The following GRM8 variants were observed in gnomAD, a reference collection of about 807,000 sequenced individuals.
GRM8 encodes the protein metabotropic glutamate receptor 8.
In GRM8, 47 loss-of-function variants were observed where a neutral mutation model predicts 87.2. The ratio of observed to expected loss-of-function variants is 0.54; its 90% CI spans 0.43 to 0.69. The LOEUF (loss-of-function observed/expected upper bound fraction) is 0.69. Among genes scored for constraint, GRM8 ranks in the 30% least tolerant of loss-of-function variants. The pLI is 0.00. For missense variants in GRM8, 1,019 were observed against 1,139.2 expected (o/e 0.89, Z 1.52); for synonymous variants, 396 against 404.5 (o/e 0.98, Z 0.25).
chr7:127,040,701 T>C (rs1818351198), intron 3 of GRM8, among the ~76,000 whole-genome samples: 1 of 152,110 alleles, frequency 6.6e-6, no homozygotes, highest in Non-Finnish European at 1.5e-5. Context: ...CCCAGTTTAC[T>C]AACCCCGGAA....
rs548231122 is a variant in GRM8 at position 126,941,619 on chromosome 7, C to CAA, written c.728-36938_728-36937dup. On this transcript the variant is annotated intron_variant, in intron 3 of 10. Coordinates refer to ENST00000339582, the MANE Select transcript of GRM8 (RefSeq NM_000845.3). ...TGGGCAACAGAGCAAGACTCTGTCT[C>CAA]AAAAAAAAAAAAAAGAAAGAAAGAA... 5.0e-3 allele frequency among the ~76,000 whole-genome samples: 537 copies of CAA among 108,008 alleles called. 4 individuals carry two copies. The highest frequency in any genetic ancestry group is 0.017 in the African/African-American group (503 of 29,490). 70.9% of individuals were successfully genotyped at this position (108,008 alleles called of 152,430 possible).
chr7:126,696,493 T>G (rs1809390941), intron 7 of GRM8, among the ~76,000 whole-genome samples: 1 of 152,220 alleles, frequency 6.6e-6, no homozygotes, highest in African/African-American at 2.4e-5. Flanking sequence ...TTTGATTTTC[T>G]GTTCCTGTGT....
At chr7:126,626,723 A>G (rs1800735442) in intron 7 of GRM8, among the ~76,000 whole-genome samples, 1 of 152,162 alleles carries the variant, frequency 6.6e-6, no homozygotes, top group East Asian at 1.9e-4. Context: ...TCTCCATATA[A>G]AATGTAGAAC....
chr7:126,483,607 CTTG>C (rs1396438438), intron 9 of GRM8, among the ~76,000 whole-genome samples: 3 of 151,104 alleles, frequency 2.0e-5, no homozygotes, highest in Admixed American at 1.3e-4. Context: ...TATATATAAA[CTTG>C]TTATCTGTTA....
At chr7:126,635,999 T>C (rs1404092012) in intron 7 of GRM8, among the ~76,000 whole-genome samples, 2 of 152,148 alleles carry the variant, frequency 1.3e-5, no homozygotes, top group African/African-American at 4.8e-5. Flanking sequence ...ATTTCACATA[T>C]ATGTATTTTT....
chr7:126,646,250 A>C (rs1350814558), intron 7 of GRM8, among the ~76,000 whole-genome samples: 1 of 118,958 alleles, frequency 8.4e-6, no homozygotes, highest in African/African-American at 3.1e-5. Context: ...AAAGGAAGAG[A>C]GAAGGAGGGA....
intron 3 of GRM8, among the ~76,000 whole-genome samples, chr7:127,099,312 C>T (rs902756255): frequency 2.0e-5 from 3 of 152,116 alleles, no homozygotes; most frequent in Non-Finnish European, 2.9e-5. Flanking sequence ...ATTCCCTTCC[C>T]TCAGGCCAAA....
chr7:126,697,851 T>C (rs984584263), intron 7 of GRM8, among the ~76,000 whole-genome samples: 3 of 152,124 alleles, frequency 2.0e-5, no homozygotes, highest in African/African-American at 7.2e-5. Context: ...AACCTTCAGG[T>C]GGAAATTATA....
intron 3 of GRM8, among the ~76,000 whole-genome samples, chr7:127,062,584 A>T (rs1820719010): frequency 6.6e-6 from 1 of 152,150 alleles, no homozygotes; most frequent in Non-Finnish European, 1.5e-5. Flanking sequence ...ATACTGTAGG[A>T]ATGGTTGGTA....
intron 9 of GRM8, among the ~76,000 whole-genome samples, chr7:126,492,646 G>T (rs1808158132): frequency 6.6e-6 from 1 of 151,988 alleles, no homozygotes; most frequent in African/African-American, 2.4e-5. Context: ...TAACTAAATA[G>T]AATTGTTTTC....
chr7:126,784,551 T>C (rs1474055158), intron 6 of GRM8, among the ~76,000 whole-genome samples: 1 of 152,160 alleles, frequency 6.6e-6, no homozygotes, highest in African/African-American at 2.4e-5. Context: ...ACAGGTATGA[T>C]AAAGAGAACA....
chr7:126,500,121 T>G (rs1255524143), intron 9 of GRM8, among the ~76,000 whole-genome samples: 2 of 151,934 alleles, frequency 1.3e-5, no homozygotes, highest in African/African-American at 4.8e-5. Flanking sequence ...GTACAATACA[T>G]TCTTATTAAC....
intron 2 of GRM8, among the ~76,000 whole-genome samples, chr7:127,114,089 G>A (rs1396975971): frequency 6.6e-6 from 1 of 152,174 alleles, no homozygotes; most frequent in African/African-American, 2.4e-5. Context: ...TGAAGTAGTA[G>A]TATTCCTTCC....
Position 126,770,033 on chromosome 7 carries a change from C to T in GRM8, c.1189G>A (p.Glu397Lys), listed in dbSNP as rs754329027. ...ACAAATTGGACCTTTCCTTCCTGTT[C>T]ATAAGATGAATCCCGAGCAATTCGC... ...LERIARDSSYEQEGKVQFVID... is the reference protein window; with the variant it reads ...LERIARDSSYKQEGKVQFVID... The change falls in exon 7 of 11, where the codon GAA becomes AAA. Residue 397 changes from glutamate (E) to lysine (K), a missense_variant. Transcript: ENST00000339582. 6.2e-7 allele frequency: 1 copy of T among 1,612,616 alleles called. No individual in the cohort carries two copies. The highest frequency in any genetic ancestry group is 1.1e-5 in the South Asian group (1 of 91,004).
At position 127,176,502 on chromosome 7, in the gene GRM8, T is replaced by A. The variant is rs150107068; in HGVS notation, c.510+66193A>T. 3.1e-3 allele frequency among the ~76,000 whole-genome samples: 471 copies of A among 152,150 alleles called. 3 individuals are homozygous for A. The highest frequency in any genetic ancestry group is 0.011 in the African/African-American group (457 of 41,502). ...ACAGGAGGCAGGACTAGATTACAGC[T>A]CCAGAGACAGCAACGTACAGAAGCT... On this transcript the variant is annotated intron_variant, in intron 2 of 10. Transcript: ENST00000339582.
At chr7:126,568,582 G>T (rs1794438406) in intron 8 of GRM8, among the ~76,000 whole-genome samples, 1 of 152,016 alleles carries the variant, frequency 6.6e-6, no homozygotes, top group Non-Finnish European at 1.5e-5. Flanking sequence ...TTTTTTAAAT[G>T]ACTGACTTTG....
At chr7:126,737,190 T>A (rs1814331407) in intron 7 of GRM8, among the ~76,000 whole-genome samples, 1 of 152,032 alleles carries the variant, frequency 6.6e-6, no homozygotes, top group African/African-American at 2.4e-5. Context: ...ATCACTATTG[T>A]AAAGCCTAAG....
chr7:127,169,999 A>C (rs531597508), intron 2 of GRM8, among the ~76,000 whole-genome samples: 1 of 152,330 alleles, frequency 6.6e-6, no homozygotes, highest in East Asian at 1.9e-4. Flanking sequence ...CACAATATCC[A>C]TTCTGTAGCC....
Position 126,685,598 on chromosome 7 carries a change from G to A in GRM8, c.1358-76100C>T, listed in dbSNP as rs1047711927. Among the ~76,000 whole-genome samples the A allele has an allele frequency of 5.9e-5, 9 of 152,156 alleles. No individual in the cohort carries two copies. The highest frequency in any genetic ancestry group is 1.9e-4 in the African/African-American group (8 of 41,452). On this transcript the variant is annotated intron_variant, in intron 7 of 10. Transcript: ENST00000339582. This position sits in a 1 kb window ranked among gnomAD's most constrained non-coding sequence, Gnocchi z 4.2. Reference sequence around the variant, plus strand: ...GGAGTAAGGTTGGGGCCAAGCCTGAGCACTGTTGCAGTTTGGCCAGGGGCA... The same window carrying A: ...GGAGTAAGGTTGGGGCCAAGCCTGAACACTGTTGCAGTTTGGCCAGGGGCA...
Sources: gnomAD v4.1 joint callset for allele counts (sites outside exome capture counted in the v4.1 genomes callset) on GRCh38, gnomAD v4.1.1 for gene constraint, Gnocchi (gnomAD v3.1) non-coding constraint, MANE v1.5 for transcripts, NCBI Gene and HGNC (gene_info 2026-07-23, HGNC 2026-07-21) for gene names.